Variants in PPP6R3 observed in about 807,000 individuals in gnomAD.
The protein encoded by PPP6R3 is protein phosphatase 6 regulatory subunit 3, also known as serine/threonine-protein phosphatase 6 regulatory subunit 3.
A neutral mutation model predicts 110.7 loss-of-function variants in PPP6R3; 38 were observed. That is an observed-to-expected ratio of 0.34 (90% CI 0.26 to 0.45). PPP6R3 has a LOEUF of 0.45. Ranked by LOEUF, PPP6R3 falls within the 20% of genes least tolerant of loss-of-function variation. PPP6R3 has a pLI of 1.00. For synonymous variants in PPP6R3, 369 were observed against 373.5 expected (o/e 0.99, Z 0.14); for missense variants, 870 against 1,062.4 (o/e 0.82, Z 2.52).
At chr11:68,477,741 A>ATATATATATATATATATATATATAT (rs1555021448) in intron 1 of PPP6R3, among the ~76,000 whole-genome samples, 1 of 57,894 alleles carries the variant, frequency 1.7e-5, no homozygotes, top group African/African-American at 7.1e-5. Flanking sequence ...AAAAAAAAAA[A>ATATATATATATATATATATATATAT]ATATATATAT....
chr11:68,582,897 G>A (rs2099566502), intron 14 of PPP6R3, 146 bp from the exon 15 acceptor site: 1 of 657,110 alleles, frequency 1.5e-6, no homozygotes, highest in Admixed American at 3.3e-5. Context: ...CATTGGGCGG[G>A]TTTGGCAGCT....
chr11:68,591,256 C>T lies in PPP6R3; in HGVS notation c.1786-320C>T, dbSNP rs1483588018. ...AAAGCAAATAAGTACGGTTGCTTTT[C>T]CTTGCTAGGACAGACCTGGGACCGC... On this transcript the variant is annotated intron_variant, in intron 17 of 23. Coordinates refer to ENST00000393800, the MANE Select transcript of PPP6R3 (RefSeq NM_001164161.2). 4.6e-5 allele frequency among the ~76,000 whole-genome samples: 7 copies of T among 152,056 alleles called. No homozygotes were observed. In the East Asian group the frequency reaches 1.3e-3, roughly 29 times the overall value.
At chr11:68,531,104 C>G (rs2099236598) in intron 2 of PPP6R3, among the ~76,000 whole-genome samples, 1 of 152,060 alleles carries the variant, frequency 6.6e-6, no homozygotes, top group East Asian at 1.9e-4. Context: ...CACTAGTATG[C>G]TTTTCCTATG....
chr11:68,562,228 C>G (rs1415849549), intron 8 of PPP6R3, among the ~76,000 whole-genome samples: 1 of 152,066 alleles, frequency 6.6e-6, no homozygotes, highest in African/African-American at 2.4e-5. Context: ...TACTAAGATA[C>G]AAACCTAACA....
At chr11:68,519,171 C>T (rs1479564775) in intron 1 of PPP6R3, among the ~76,000 whole-genome samples, 1 of 151,800 alleles carries the variant, frequency 6.6e-6, no homozygotes, top group Non-Finnish European at 1.5e-5. Flanking sequence ...TATAGTGGAC[C>T]CTATGTTGGA....
At chr11:68,518,990 A>C (rs2099150678) in intron 1 of PPP6R3, among the ~76,000 whole-genome samples, 1 of 152,250 alleles carries the variant, frequency 6.6e-6, no homozygotes, top group Admixed American at 6.5e-5. Flanking sequence ...TTTCATGTGC[A>C]GTGTTTGGTT....
chr11:68,557,515 TTTTTTTC>T (rs1020189311), intron 7 of PPP6R3, among the ~76,000 whole-genome samples: 3 of 151,768 alleles, frequency 2.0e-5, no homozygotes, highest in African/African-American at 2.4e-5. Context: ...TTCTTTTTCT[TTTTTTTC>T]TTTTTTCTTT....
chr11:68,502,453 G>A (rs2099053515), intron 1 of PPP6R3, among the ~76,000 whole-genome samples: 2 of 152,194 alleles, frequency 1.3e-5, no homozygotes, highest in African/African-American at 4.8e-5. Context: ...CATGGGAGTT[G>A]CAGGGGGCGC....
intron 1 of PPP6R3, among the ~76,000 whole-genome samples, chr11:68,478,666 T>TTTTTTTG: frequency 7.6e-6 from 1 of 132,364 alleles, no homozygotes; most frequent in Non-Finnish European, 1.6e-5. Flanking sequence ...TTTTTTTTTT[T>TTTTTTTG]TTTTTTGAGA....
intron 14 of PPP6R3, among the ~76,000 whole-genome samples, chr11:68,581,276 C>A (rs1253274613): frequency 6.6e-6 from 1 of 152,154 alleles, no homozygotes; most frequent in Non-Finnish European, 1.5e-5. Flanking sequence ...TTAAGTAGAA[C>A]ATGCGAAGGG....
chr11:68,569,743 T>G lies in PPP6R3; in HGVS notation c.1129-5T>G. On this transcript the variant is annotated splice_polypyrimidine_tract_variant and splice_region_variant and intron_variant, in intron 10 of 23. Coordinates refer to ENST00000393800, the MANE Select transcript of PPP6R3 (RefSeq NM_001164161.2). ...CGAATAAAACATGGTTTTTCTTTTT[T>G]GTAGAACATGTTCTTCAAGTATACA... 4 of 1,568,650 alleles carry G rather than the reference T, an allele frequency of 2.5e-6. No individual in the cohort carries two copies. The highest frequency in any genetic ancestry group is 3.5e-6 in the Non-Finnish European group (4 of 1,150,772).
intron 2 of PPP6R3, among the ~76,000 whole-genome samples, chr11:68,536,130 G>T (rs888635476): frequency 6.6e-6 from 1 of 152,120 alleles, no homozygotes; most frequent in African/African-American, 2.4e-5. Context: ...GGATTGATCA[G>T]TGTTTATACT....
chr11:68,478,647 G>GTTTTTTTTTGTTTTTTT (rs2098861154), intron 1 of PPP6R3, among the ~76,000 whole-genome samples: 1 of 50,506 alleles, frequency 2.0e-5, no homozygotes, highest in Non-Finnish European at 3.1e-5. Context: ...CACTTGGTAA[G>GTTTTTTTTTGTTTTTTT]TTTTTTTTTT....
chr11:68,572,382 C>T (rs547834390), intron 12 of PPP6R3, among the ~76,000 whole-genome samples: 1 of 152,284 alleles, frequency 6.6e-6, no homozygotes, highest in East Asian at 1.9e-4. Context: ...TCCTTGTTTC[C>T]TTGCACAACA....
chr11:68,571,191 G>A (rs2099504246), intron 12 of PPP6R3, 87 bp downstream of exon 12: 4 of 1,459,350 alleles, frequency 2.7e-6, no homozygotes, highest in African/African-American at 1.5e-5. Context: ...AGAAAAAAAT[G>A]GAAATAATTA....
At chr11:68,605,308 G>C (rs1938976859) in intron 22 of PPP6R3, among the ~76,000 whole-genome samples, 1 of 152,172 alleles carries the variant, frequency 6.6e-6, no homozygotes, top group African/African-American at 2.4e-5. Context: ...ATGAGACCCT[G>C]TCTCAAACAA....
intron 1 of PPP6R3, among the ~76,000 whole-genome samples, chr11:68,502,981 T>C (rs979781660): frequency 5.3e-5 from 8 of 152,090 alleles, no homozygotes; most frequent in African/African-American, 1.9e-4. Context: ...TCTCACTCTG[T>C]TGCCCAGGCT....
At chr11:68,504,152 TCAG>T (rs2099062952) in intron 1 of PPP6R3, among the ~76,000 whole-genome samples, 1 of 152,202 alleles carries the variant, frequency 6.6e-6, no homozygotes, top group African/African-American at 2.4e-5. Flanking sequence ...CCTGGTTAAA[TCAG>T]CAGTAAAACA....
chr11:68,487,329 G>A (rs1483676552), intron 1 of PPP6R3, among the ~76,000 whole-genome samples: 1 of 148,116 alleles, frequency 6.8e-6, no homozygotes, highest in Non-Finnish European at 1.5e-5. Flanking sequence ...GAGGCGGGCG[G>A]ATCCCTTGAG....
Sources: gnomAD v4.1 joint callset for allele counts (sites outside exome capture counted in the v4.1 genomes callset) on GRCh38, gnomAD v4.1.1 for gene constraint, MANE v1.5 for transcripts, NCBI Gene and HGNC (gene_info 2026-07-23, HGNC 2026-07-21) for gene names.